Variants in MAPKAPK2 observed in about 807,000 individuals in gnomAD.
MAPKAPK2 encodes MAP kinase-activated protein kinase 2.
In MAPKAPK2, 9 loss-of-function variants were observed where a neutral mutation model predicts 48.8. The ratio of observed to expected loss-of-function variants is 0.18; its 90% confidence interval spans 0.11 to 0.32. MAPKAPK2 has a LOEUF of 0.32. Ranked by LOEUF, MAPKAPK2 falls within the 10% of genes least tolerant of loss-of-function variation. The pLI is 1.00. For missense variants in MAPKAPK2, 331 were observed against 498.3 expected (o/e 0.66, Z 3.20); for synonymous variants, 202 against 190.6 (o/e 1.06, Z -0.49).
At chr1:206,705,579 G>A (rs1295634622) in intron 1 of MAPKAPK2, among the ~76,000 whole-genome samples, 3 of 152,174 alleles carry the variant, frequency 2.0e-5, no homozygotes, top group African/African-American at 7.2e-5. Flanking sequence ...GTGCAATTGT[G>A]TTGACTCTTG....
intron 5 of MAPKAPK2, 61 bp downstream of exon 5, chr1:206,730,159 C>CT: frequency 1.2e-6 from 2 of 1,602,500 alleles, no homozygotes; most frequent in Non-Finnish European, 1.7e-6. Context: ...AGCCCCTCCT[C>CT]TTGGCTATCT....
intron 1 of MAPKAPK2, among the ~76,000 whole-genome samples, chr1:206,705,073 T>C (rs1332659383): frequency 6.6e-6 from 1 of 152,242 alleles, no homozygotes; most frequent in African/African-American, 2.4e-5. Context: ...TTAGCACTTA[T>C]TAACATCCTA....
At chr1:206,701,048 C>G (rs1672778287) in intron 1 of MAPKAPK2, among the ~76,000 whole-genome samples, 1 of 152,190 alleles carries the variant, frequency 6.6e-6, no homozygotes, top group African/African-American at 2.4e-5. Flanking sequence ...CAGAGCCCCT[C>G]CTTGCCTGCA....
chr1:206,729,208 C>A, intron 3 of MAPKAPK2, 109 bp downstream of exon 3: 2 of 1,271,818 alleles, frequency 1.6e-6, no homozygotes, highest in African/African-American at 1.5e-5. Context: ...GCTGCTGCCC[C>A]CTCCAGCATG....
At chr1:206,687,511 A>C (rs946398625) in intron 1 of MAPKAPK2, among the ~76,000 whole-genome samples, 1 of 152,238 alleles carries the variant, frequency 6.6e-6, no homozygotes, top group Admixed American at 6.5e-5. Context: ...GATTTCCCAC[A>C]CACGTCTTTG....
Position 206,731,309 on chromosome 1 carries a change from T to C in MAPKAPK2, c.892+47T>C, listed in dbSNP as rs1673903046. ...ACAAGGGGAAGAGCCCGTGTGTGTG[T>C]GTGTGTGTGTATGTGTGTACACGCA... On this transcript the variant is annotated intron_variant, in intron 7 of 9. Transcript: ENST00000367103. The surrounding 1 kb of genome is among the most constrained non-coding windows in gnomAD (Gnocchi z 5.9). The C allele has an allele frequency of 1.2e-6, 2 of 1,611,360 alleles. No individual in the cohort carries two copies. Among genetic ancestry groups the C allele is most frequent in the Admixed American group, 1.7e-5 (1 of 59,530 alleles).
chr1:206,706,327 G>A (rs564109516), intron 1 of MAPKAPK2, among the ~76,000 whole-genome samples: 9 of 152,150 alleles, frequency 5.9e-5, no homozygotes, highest in Middle Eastern at 3.4e-3. Context: ...ACTCAGATGG[G>A]GGAGGAGCAA....
intron 1 of MAPKAPK2, among the ~76,000 whole-genome samples, chr1:206,728,183 T>A (rs1553432068): frequency 6.6e-6 from 1 of 152,218 alleles, no homozygotes; most frequent in Non-Finnish European, 1.5e-5. Context: ...GGCATCCGGC[T>A]GACTTCCAAG....
chr1:206,732,379 C>A lies in MAPKAPK2; in HGVS notation c.1060-196C>A. 1 of 1,448,638 alleles carries A rather than the reference C, an allele frequency of 6.9e-7. No homozygotes were observed. The allele number at this position is 1,448,638 out of a possible 1,614,324, so 89.7% of individuals were successfully genotyped here. On this transcript the variant is annotated intron_variant, in intron 9 of 9. Coordinates refer to ENST00000367103, the MANE Select transcript of MAPKAPK2 (RefSeq NM_032960.4). This position sits in a 1 kb window ranked among gnomAD's most constrained non-coding sequence, Gnocchi z 4.4. ...ACAGCAGCAGTGCCATAGCCAGGCT[C>A]TCTGCTGCCCAGCGCTGGGGTGAGG...
At chr1:206,717,995 T>C (rs1553430646) in intron 1 of MAPKAPK2, among the ~76,000 whole-genome samples, 2 of 152,032 alleles carry the variant, frequency 1.3e-5, no homozygotes, top group Non-Finnish European at 2.9e-5. Context: ...ATATATCCTC[T>C]CCCCTCTTCC....
intron 1 of MAPKAPK2, among the ~76,000 whole-genome samples, chr1:206,686,225 G>C (rs1672285846): frequency 6.6e-6 from 1 of 152,172 alleles, no homozygotes; most frequent in South Asian, 2.1e-4. Context: ...TGATCATTGT[G>C]AACAGAGTCT....
In MAPKAPK2 at chr1:206,729,113, G is replaced by A. The variant is rs1250310636; in HGVS notation, c.484+14G>A. 2.5e-6 allele frequency: 4 copies of A among 1,613,898 alleles called. No individual in the cohort carries two copies. The African/African-American group carries it at 4.0e-5, about 16-fold the overall frequency. On this transcript the variant is annotated intron_variant, in intron 3 of 9. Transcript: ENST00000367103. ...TCACAGAAAGAGGTAGAAAGGGTCT[G>A]TTGTGGGAGCACGTGCAGGCAGGCA... is the stretch of plus-strand genomic sequence containing the variant.
At chr1:206,715,680 G>A (rs1156908230) in intron 1 of MAPKAPK2, among the ~76,000 whole-genome samples, 2 of 138,702 alleles carry the variant, frequency 1.4e-5, no homozygotes, top group African/African-American at 2.7e-5. Context: ...AGGCTGAAGT[G>A]CAGTGGTACG....
At chr1:206,702,852 G>GT (rs1572488690) in intron 1 of MAPKAPK2, among the ~76,000 whole-genome samples, 1 of 152,144 alleles carries the variant, frequency 6.6e-6, no homozygotes, top group Non-Finnish European at 1.5e-5. Context: ...CTTATCTTCA[G>GT]TTTTTTCTGG....
chr1:206,711,297 T>C (rs1407191010), intron 1 of MAPKAPK2, among the ~76,000 whole-genome samples: 1 of 152,260 alleles, frequency 6.6e-6, no homozygotes, highest in African/African-American at 2.4e-5. Context: ...TCGCCCAGGC[T>C]GGAGCGCAGT....
Position 206,713,674 on chromosome 1 carries a change from C to T in MAPKAPK2, c.280-15036C>T, listed in dbSNP as rs186492761. Among the ~76,000 whole-genome samples the T allele has an allele frequency of 8.5e-5, 13 of 152,268 alleles. No individual in the cohort carries two copies. The East Asian group carries it at 2.1e-3, about 25-fold the overall frequency. On this transcript the variant is annotated intron_variant, in intron 1 of 9. Coordinates refer to ENST00000367103, the MANE Select transcript of MAPKAPK2 (RefSeq NM_032960.4). ...TTGAGGTCAGGAGATTGAGACCAGC[C>T]TGGCCAACATGTGAAACCCCGTTTC... is the stretch of plus-strand genomic sequence containing the variant.
At chr1:206,706,607 G>T (rs1024232997) in intron 1 of MAPKAPK2, among the ~76,000 whole-genome samples, 29 of 152,324 alleles carry the variant, frequency 1.9e-4, no homozygotes, top group African/African-American at 6.7e-4. Flanking sequence ...CACCGAGGCG[G>T]GTATGGGGTA....
intron 1 of MAPKAPK2, among the ~76,000 whole-genome samples, chr1:206,718,783 A>G (rs1284501672): frequency 6.6e-6 from 1 of 152,118 alleles, no homozygotes; most frequent in African/African-American, 2.4e-5. Context: ...AAAATGCTTT[A>G]TGAATATAAT....
intron 1 of MAPKAPK2, among the ~76,000 whole-genome samples, chr1:206,707,777 A>G: frequency 6.6e-6 from 1 of 152,162 alleles, no homozygotes. Flanking sequence ...TAAACTACAA[A>G]GTGGACAGTC....
Sources: allele counts gnomAD v4.1 joint callset (sites outside exome capture counted in the v4.1 genomes callset), GRCh38; gene constraint gnomAD v4.1.1; non-coding constraint Gnocchi (gnomAD v3.1); transcripts MANE v1.5; gene names NCBI Gene and HGNC (gene_info 2026-07-23, HGNC 2026-07-21).